Variants in DLG2 observed in about 807,000 individuals in gnomAD.
DLG2 encodes the protein discs large MAGUK scaffold protein 2.
In DLG2, 45 loss-of-function variants were observed where a neutral mutation model predicts 132.5. The observed-to-expected ratio is 0.34, with a 90% CI of 0.27 to 0.44. DLG2 has a LOEUF of 0.44. DLG2 is among the 20% of genes least tolerant of loss of function. The pLI is 1.00. For missense variants in DLG2, 1,045 were observed against 1,196.9 expected (o/e 0.87, Z 1.87); for synonymous variants, 424 against 419.6 (o/e 1.01, Z -0.13).
intron 3 of DLG2, among the ~76,000 whole-genome samples, chr11:85,548,434 G>C (rs2076462330): frequency 6.6e-6 from 1 of 152,184 alleles, no homozygotes; most frequent in African/African-American, 2.4e-5. Context: ...ATCCCCTACT[G>C]GGAGGTGTCT....
chr11:84,399,304 C>A (rs1018504847), intron 7 of DLG2, among the ~76,000 whole-genome samples: 1 of 152,086 alleles, frequency 6.6e-6, no homozygotes, highest in Non-Finnish European at 1.5e-5. Flanking sequence ...AATCTCATAG[C>A]CCTTTGTAGA....
In DLG2 at chr11:84,408,114, G is replaced by A. The variant is rs189953007; in HGVS notation, c.519+126456C>T. 1.1e-4 allele frequency among the ~76,000 whole-genome samples: 16 copies of A among 152,136 alleles called. 1 individual carries two copies. Among genetic ancestry groups the A allele is most frequent in the Non-Finnish European group, 1.6e-4 (11 of 67,994 alleles). On this transcript the variant is annotated intron_variant, in intron 7 of 27. Coordinates refer to ENST00000376104, the MANE Select transcript of DLG2 (RefSeq NM_001142699.3). The stretch of plus-strand genomic sequence containing the variant: ...TTTTATTCAGGGTGCCAATGAGCTC[G>A]GAAAAGATGACCTGGAGATTCAGAG...
chr11:85,277,858 A>C (rs571668176), intron 4 of DLG2, among the ~76,000 whole-genome samples: 1 of 152,274 alleles, frequency 6.6e-6, no homozygotes, highest in Non-Finnish European at 1.5e-5. Context: ...ACAGCTACCT[A>C]ATTGGTCTCC....
chr11:85,307,880 C>A (rs1353532309), intron 3 of DLG2, among the ~76,000 whole-genome samples: 1 of 152,102 alleles, frequency 6.6e-6, no homozygotes, highest in Non-Finnish European at 1.5e-5. Flanking sequence ...AGAGGCTGGG[C>A]GCGGTGGCTC....
intron 6 of DLG2, among the ~76,000 whole-genome samples, chr11:84,574,898 C>T (rs2099495486): frequency 6.6e-6 from 1 of 152,110 alleles, no homozygotes. Context: ...TGCCATTAAC[C>T]AGCATCTACC....
At position 84,251,183 on chromosome 11, in the gene DLG2, C is replaced by T. The variant is rs561567533; in HGVS notation, c.573+55G>A. On this transcript the variant is annotated intron_variant, in intron 8 of 27. Coordinates refer to ENST00000376104, the MANE Select transcript of DLG2 (RefSeq NM_001142699.3). ...AAATGTGAATTGAATTTAAATTCAG[C>T]CAATTAAGTTCTACCACAGTTTTAA... 2.5e-5 allele frequency: 27 copies of T among 1,071,782 alleles called. 1 individual carries two copies. In the South Asian group the frequency reaches 4.7e-4, roughly 19 times the overall value. The allele number at this position is 1,071,782 out of a possible 1,614,324, so 66.4% of individuals were successfully genotyped here. A position where few individuals can be genotyped will look rare whatever the true frequency, so the allele number is the denominator to read the frequency against.
chr11:84,347,148 C>T (rs2098542772), intron 7 of DLG2, among the ~76,000 whole-genome samples: 1 of 152,064 alleles, frequency 6.6e-6, no homozygotes, highest in Non-Finnish European at 1.5e-5. Context: ...TGGAAAGTGT[C>T]ACCCAGCTGT....
At chr11:85,022,513 G>C (rs1042326119) in intron 6 of DLG2, among the ~76,000 whole-genome samples, 2 of 151,984 alleles carry the variant, frequency 1.3e-5, no homozygotes, top group Admixed American at 6.6e-5. Context: ...AACATAAGGA[G>C]GATACTATGT....
chr11:84,200,612 T>C (rs1388144690), intron 8 of DLG2, among the ~76,000 whole-genome samples: 1 of 152,212 alleles, frequency 6.6e-6, no homozygotes, highest in African/African-American at 2.4e-5. Context: ...TTGTGTACTC[T>C]CTGATTTCTT....
At chr11:84,638,493 T>A (rs1018231830) in intron 6 of DLG2, among the ~76,000 whole-genome samples, 1 of 152,192 alleles carries the variant, frequency 6.6e-6, no homozygotes, top group Non-Finnish European at 1.5e-5. Flanking sequence ...GAAGTTAAGA[T>A]GAATAATCAT....
intron 19 of DLG2, among the ~76,000 whole-genome samples, chr11:83,625,352 C>T (rs1349886936): frequency 6.6e-6 from 1 of 152,200 alleles, no homozygotes; most frequent in Non-Finnish European, 1.5e-5. Context: ...AGAATCCTGC[C>T]ATTCCACACT....
intron 6 of DLG2, among the ~76,000 whole-genome samples, chr11:84,680,483 AG>A (rs1251773702): frequency 6.6e-6 from 1 of 152,172 alleles, no homozygotes; most frequent in Non-Finnish European, 1.5e-5. Context: ...CCTCTCAGAA[AG>A]GATACTATTC....
intron 6 of DLG2, among the ~76,000 whole-genome samples, chr11:84,975,143 T>A (rs1445885458): frequency 6.6e-6 from 1 of 152,196 alleles, no homozygotes; most frequent in African/African-American, 2.4e-5. Context: ...TAGGGATTAC[T>A]GTTACAGGGG....
chr11:84,158,725 A>C (rs890901156), intron 9 of DLG2, among the ~76,000 whole-genome samples: 1 of 152,190 alleles, frequency 6.6e-6, no homozygotes, highest in Non-Finnish European at 1.5e-5. Context: ...CTTATTTGTC[A>C]TTGGGTATTT....
chr11:83,581,795 A>G (rs924865735), intron 19 of DLG2, among the ~76,000 whole-genome samples: 2 of 152,184 alleles, frequency 1.3e-5, no homozygotes, highest in Admixed American at 6.5e-5. Flanking sequence ...CTTTTCAAAC[A>G]TTCCATTTTA....
At chr11:84,335,268 G>A (rs1011958833) in intron 7 of DLG2, among the ~76,000 whole-genome samples, 3 of 151,396 alleles carry the variant, frequency 2.0e-5, no homozygotes, top group African/African-American at 7.3e-5. Flanking sequence ...GAGGGAGGAA[G>A]GGAGGGAGGG....
chr11:85,613,743 A>C (rs1490728793), intron 2 of DLG2, among the ~76,000 whole-genome samples: 1 of 152,202 alleles, frequency 6.6e-6, no homozygotes, highest in East Asian at 1.9e-4. Context: ...AGGGAATAAA[A>C]GCATGCTGCC....
chr11:85,052,166 C>G (rs913838403), intron 6 of DLG2, among the ~76,000 whole-genome samples: 1 of 152,088 alleles, frequency 6.6e-6, no homozygotes, highest in East Asian at 1.9e-4. Context: ...TTGAAAATGT[C>G]ATTATAAAGG....
chr11:84,207,777 T>C (rs961931583), intron 8 of DLG2, among the ~76,000 whole-genome samples: 1 of 152,168 alleles, frequency 6.6e-6, no homozygotes. Flanking sequence ...GAAAATTTTA[T>C]AAACAACATG....
Sources: gnomAD v4.1 joint callset for allele counts (sites outside exome capture counted in the v4.1 genomes callset) on GRCh38, gnomAD v4.1.1 for gene constraint, MANE v1.5 for transcripts, NCBI Gene and HGNC (gene_info 2026-07-23, HGNC 2026-07-21) for gene names.